MAP3K20: variants seen among roughly 807,000 people sequenced by gnomAD.
The protein encoded by MAP3K20 is HCCS-4.
A neutral mutation model predicts 85.7 loss-of-function variants in MAP3K20; 40 were observed. That is an observed-to-expected ratio of 0.47 (90% CI 0.36 to 0.61). MAP3K20 has a LOEUF of 0.61. Among genes scored for constraint, MAP3K20 ranks in the 20% least tolerant of loss-of-function variants. The pLI, the probability that MAP3K20 is intolerant of heterozygous loss-of-function variation, is 0.00. For synonymous variants in MAP3K20, 325 were observed against 327.7 expected (o/e 0.99, Z 0.09); for missense variants, 817 against 961.7 (o/e 0.85, Z 1.99).
chr2:173,264,089 A>T (rs1050806909), intron 19 of MAP3K20, among the ~76,000 whole-genome samples, 194 bp downstream of exon 19: 1 of 152,206 alleles, frequency 6.6e-6, no homozygotes, highest in Admixed American at 6.5e-5. Flanking sequence ...GACCAGGAGC[A>T]TCGGGATCAC....
chr2:173,076,090 G>A, intron 1 of MAP3K20, 88 bp downstream of exon 1: 1 of 927,162 alleles, frequency 1.1e-6, no homozygotes, highest in Non-Finnish European at 1.3e-6. Flanking sequence ...TCTCGGGGCC[G>A]AGGCTCCGCC....
chr2:173,207,845 ATAT>A lies in MAP3K20; in HGVS notation c.745-1878_745-1876del, dbSNP rs1683741108. 2.6e-5 allele frequency among the ~76,000 whole-genome samples: 4 copies of A among 152,066 alleles called. No homozygotes were observed. The South Asian group carries it at 8.3e-4, about 32-fold the overall frequency. On this transcript the variant is annotated intron_variant, in intron 9 of 19. Transcript: ENST00000375213. ...ATTCTGTAACCAGAATACTCATAGAATATTATTACCACAAAAATCTACATTGTT... is the reference window on the plus strand; with the variant it reads ...ATTCTGTAACCAGAATACTCATAGAATATTACCACAAAAATCTACATTGTT...
rs573481602 is a variant in MAP3K20, at chr2:173,177,565, G to A, written c.248-5289G>A. 1.1e-4 allele frequency among the ~76,000 whole-genome samples: 17 copies of A among 148,434 alleles called. No homozygotes were observed. The South Asian group carries it at 2.8e-3, about 24-fold the overall frequency. On this transcript the variant is annotated intron_variant, in intron 3 of 19. Transcript: ENST00000375213. ...CAGGTTCAAGCGATTCTCCTGCCTC[G>A]GCCTCCCGAGTAGCCACCATGCCCG...
At chr2:173,224,129 T>C (rs959765851) in intron 11 of MAP3K20, 199 of 851,968 alleles carry the variant, frequency 2.3e-4, no homozygotes, top group Admixed American at 5.0e-4. Context: ...TTGATAAGTA[T>C]ATGCCAAAAA....
chr2:173,228,537 TATTC>T (rs1258441160), intron 11 of MAP3K20, among the ~76,000 whole-genome samples: 2 of 152,208 alleles, frequency 1.3e-5, no homozygotes, highest in Non-Finnish European at 2.9e-5. Flanking sequence ...CCTTTAATTT[TATTC>T]ATTCTTTAAA....
rs377014495 is a variant in MAP3K20 at position 173,195,812 on chromosome 2, T to C, written c.583-2214T>C. ...GCTAATGACCCCACCTCAGACACTT[T>C]TACATCCATCAAGTAACTCCCTCAG... On this transcript the variant is annotated intron_variant, in intron 7 of 19. Coordinates refer to ENST00000375213, the MANE Select transcript of MAP3K20 (RefSeq NM_016653.3). 3.4e-4 allele frequency among the ~76,000 whole-genome samples: 52 copies of C among 152,250 alleles called. 1 individual carries two copies. The highest frequency in any genetic ancestry group is 1.2e-3 in the African/African-American group (50 of 41,538).
In MAP3K20 at chr2:173,242,420, C is replaced by T. The variant is rs890397410; in HGVS notation, c.1359+2924C>T. Among the ~76,000 whole-genome samples, 299 of 152,052 alleles carry T rather than the reference C, an allele frequency of 2.0e-3. 1 individual carries two copies. Among genetic ancestry groups the T allele is most frequent in the African/African-American group, 6.8e-3 (283 of 41,492 alleles). ...CCGACCTCAGGTGATCCGCCCACCT[C>T]GGCCTCCCAAAGTGCGGGATTACAG... On this transcript the variant is annotated intron_variant, in intron 16 of 19. Coordinates refer to ENST00000375213, the MANE Select transcript of MAP3K20 (RefSeq NM_016653.3).
intron 1 of MAP3K20, among the ~76,000 whole-genome samples, chr2:173,079,551 CT>C (rs1215244372): frequency 1.3e-5 from 2 of 151,964 alleles, no homozygotes; most frequent in African/African-American, 4.8e-5. Context: ...CTTTTTGAGT[CT>C]TTTGAAATAA....
chr2:173,229,647 A>G, intron 11 of MAP3K20, 42 bp from the exon 12 acceptor site: 1 of 1,611,638 alleles, frequency 6.2e-7, no homozygotes, highest in Non-Finnish European at 8.5e-7. Flanking sequence ...GACAATGATA[A>G]TATTACTTTT....
At chr2:173,112,116 A>G (rs1448472489) in intron 2 of MAP3K20, among the ~76,000 whole-genome samples, 1 of 152,154 alleles carries the variant, frequency 6.6e-6, no homozygotes, top group African/African-American at 2.4e-5. Flanking sequence ...TTTTCCTTAT[A>G]GAGGGCTTTT....
At chr2:173,134,185 A>G (rs1574044275) in intron 2 of MAP3K20, among the ~76,000 whole-genome samples, 2 of 144,400 alleles carry the variant, frequency 1.4e-5, no homozygotes, top group South Asian at 2.2e-4. Flanking sequence ...CTTGTTTTCA[A>G]TAGCTATCTT....
At chr2:173,193,582 A>T (rs1389999386) in intron 7 of MAP3K20, among the ~76,000 whole-genome samples, 1 of 152,196 alleles carries the variant, frequency 6.6e-6, no homozygotes, top group African/African-American at 2.4e-5. Context: ...TTCACACATA[A>T]ACTATAAAAG....
intron 2 of MAP3K20, among the ~76,000 whole-genome samples, chr2:173,119,639 G>C (rs889056256): frequency 4.6e-5 from 7 of 152,194 alleles, no homozygotes; most frequent in African/African-American, 1.4e-4. Context: ...GCAATAAATT[G>C]TTAACTGGCA....
chr2:173,244,972 T>C (rs1173334914), intron 16 of MAP3K20, among the ~76,000 whole-genome samples: 1 of 152,186 alleles, frequency 6.6e-6, no homozygotes, highest in Non-Finnish European at 1.5e-5. Flanking sequence ...ACCTAGGAGT[T>C]TGCATAGCAG....
intron 16 of MAP3K20, among the ~76,000 whole-genome samples, chr2:173,241,597 AGAGT>A (rs1228011864): frequency 2.6e-5 from 4 of 152,226 alleles, no homozygotes; most frequent in Non-Finnish European, 5.9e-5. Flanking sequence ...CCTGGGCAAC[AGAGT>A]AAGACATCAT....
At chr2:173,102,704 G>A (rs1422233758) in intron 2 of MAP3K20, among the ~76,000 whole-genome samples, 1 of 152,180 alleles carries the variant, frequency 6.6e-6, no homozygotes, top group African/African-American at 2.4e-5. Flanking sequence ...TCCAGAGATT[G>A]TATTCAGCAA....
In MAP3K20 at chr2:173,220,067, C is replaced by CAAAAAA. The variant is rs71018543; in HGVS notation, c.987+2823_987+2828dup. On this transcript the variant is annotated intron_variant, in intron 11 of 19. Transcript: ENST00000375213. ...TGGGCAACAGTGCTAGACTCTGTCTCAAAAAAAAAAAGGAAACTGATCCTG... is the reference window on the plus strand; with the variant it reads ...TGGGCAACAGTGCTAGACTCTGTCTCAAAAAAAAAAAAAAAAAGGAAACTGATCCTG... 1.9e-4 allele frequency among the ~76,000 whole-genome samples: 22 copies of CAAAAAA among 114,224 alleles called. 1 individual carries two copies. The highest frequency in any genetic ancestry group is 3.5e-4 in the African/African-American group (10 of 28,172). 74.9% of individuals were successfully genotyped at this position (114,224 alleles called of 152,430 possible).
At chr2:173,243,844 T>C (rs1273267109) in intron 16 of MAP3K20, among the ~76,000 whole-genome samples, 2 of 152,148 alleles carry the variant, frequency 1.3e-5, no homozygotes, top group Non-Finnish European at 2.9e-5. Context: ...GCCAGGATGG[T>C]CTCGATCTCC....
intron 2 of MAP3K20, among the ~76,000 whole-genome samples, chr2:173,093,434 T>G (rs577075973): frequency 1.3e-5 from 2 of 152,280 alleles, no homozygotes; most frequent in East Asian, 3.9e-4. Flanking sequence ...GTAGAGAAAA[T>G]ATATACCAAA....
Sources: allele counts gnomAD v4.1 joint callset (sites outside exome capture counted in the v4.1 genomes callset), GRCh38; gene constraint gnomAD v4.1.1; transcripts MANE v1.5; gene names NCBI Gene and HGNC (gene_info 2026-07-23, HGNC 2026-07-21).